ASCC3: variants seen among roughly 807,000 people sequenced by gnomAD.
The protein encoded by ASCC3 is ASC-1 complex subunit P200.
Under a neutral mutation model 256.3 loss-of-function variants are expected in ASCC3, and 158 were observed. The observed-to-expected ratio is 0.62, with a 90% CI of 0.54 to 0.70. The LOEUF is 0.70. ASCC3 is among the 30% of genes least tolerant of loss of function. ASCC3 has a pLI of 0.00. For missense variants in ASCC3, 2,259 were observed against 2,626.0 expected (o/e 0.86, Z 3.05); for synonymous variants, 948 against 883.4 (o/e 1.07, Z -1.30).
intron 34 of ASCC3, among the ~76,000 whole-genome samples, chr6:100,598,684 C>T (rs748048197): frequency 2.6e-5 from 4 of 152,168 alleles, no homozygotes; most frequent in Non-Finnish European, 5.9e-5. Context: ...GTGTCTCCAA[C>T]TGTGCTCCTG....
At chr6:100,615,576 C>T (rs1179457368) in intron 30 of ASCC3, among the ~76,000 whole-genome samples, 1 of 152,150 alleles carries the variant, frequency 6.6e-6, no homozygotes, top group Non-Finnish European at 1.5e-5. Context: ...ATAATATAAA[C>T]TTTAATGAAT....
rs559290508 is a variant in ASCC3 at position 100,781,750 on chromosome 6, A to G, written c.1396-14405T>C. 7.2e-5 allele frequency among the ~76,000 whole-genome samples: 11 copies of G among 152,024 alleles called. No homozygotes were observed. In the South Asian group the frequency reaches 2.3e-3, roughly 32 times the overall value. ...AAACATACTTTTAATATATTTTTTA[A>G]TCTTCCTGACACTAAGCACTAAAAA... is the stretch of plus-strand genomic sequence containing the variant. On this transcript the variant is annotated intron_variant, in intron 8 of 41. Coordinates refer to ENST00000369162, the MANE Select transcript of ASCC3 (RefSeq NM_006828.4).
intron 30 of ASCC3, among the ~76,000 whole-genome samples, chr6:100,620,934 T>C (rs186240968): frequency 1.6e-4 from 25 of 152,318 alleles, no homozygotes; most frequent in Admixed American, 1.4e-3. Flanking sequence ...TATGCTTCAG[T>C]ATAATCACAC....
intron 8 of ASCC3, among the ~76,000 whole-genome samples, chr6:100,797,380 C>A (rs1769672754): frequency 6.9e-6 from 1 of 145,960 alleles, no homozygotes; most frequent in Admixed American, 7.1e-5. Flanking sequence ...AACCCTTGAA[C>A]CCAGGAGGCA....
chr6:100,608,743 A>AT (rs1386466467), intron 30 of ASCC3, among the ~76,000 whole-genome samples: 1 of 32,036 alleles, frequency 3.1e-5, no homozygotes, highest in African/African-American at 1.4e-4. Flanking sequence ...ATATATATAT[A>AT]TATATATATA....
At chr6:100,747,534 T>C (rs943814664) in intron 10 of ASCC3, among the ~76,000 whole-genome samples, 1 of 152,118 alleles carries the variant, frequency 6.6e-6, no homozygotes, top group Non-Finnish European at 1.5e-5. Context: ...ACCAAGCAAC[T>C]TGATATACTT....
At chr6:100,665,328 G>C (rs1776410690) in intron 14 of ASCC3, among the ~76,000 whole-genome samples, 1 of 152,034 alleles carries the variant, frequency 6.6e-6, no homozygotes. Context: ...GTTCATTACA[G>C]ACTTGAAGTG....
At chr6:100,545,308 G>T (rs1162535778) in intron 36 of ASCC3, among the ~76,000 whole-genome samples, 1 of 152,120 alleles carries the variant, frequency 6.6e-6, no homozygotes, top group Non-Finnish European at 1.5e-5. Context: ...CTCCCAAGTA[G>T]CTGGGACTAC....
chr6:100,525,130 GTGGGT>G (rs1774502572), intron 37 of ASCC3, among the ~76,000 whole-genome samples: 1 of 118,740 alleles, frequency 8.4e-6, no homozygotes, highest in African/African-American at 3.3e-5. Flanking sequence ...ATACTCCAGT[GTGGGT>G]GACAGAGTGA....
At chr6:100,549,480 T>C (rs1769182324) in intron 36 of ASCC3, among the ~76,000 whole-genome samples, 1 of 151,920 alleles carries the variant, frequency 6.6e-6, no homozygotes, top group African/African-American at 2.4e-5. Context: ...GTCATGTTAG[T>C]TTTTTCCTTT....
chr6:100,602,048 GT>G, intron 33 of ASCC3, 113 bp from the exon 34 acceptor site: 1 of 1,124,292 alleles, frequency 8.9e-7, no homozygotes, highest in Non-Finnish European at 1.3e-6. Context: ...AAACAAATTT[GT>G]TTTATATAAC....
At chr6:100,707,277 C>A (rs1011123185) in intron 13 of ASCC3, among the ~76,000 whole-genome samples, 2 of 151,972 alleles carry the variant, frequency 1.3e-5, no homozygotes, top group Admixed American at 6.6e-5. Context: ...TAAATATAAT[C>A]CCTTTACCAA....
chr6:100,606,230 G>A (rs1297560011), intron 32 of ASCC3, among the ~76,000 whole-genome samples: 1 of 151,834 alleles, frequency 6.6e-6, no homozygotes, highest in Admixed American at 6.6e-5. Flanking sequence ...TTCATTTAGT[G>A]GAAATATACA....
intron 36 of ASCC3, among the ~76,000 whole-genome samples, chr6:100,543,669 T>C (rs1775572558): frequency 6.6e-6 from 1 of 151,920 alleles, no homozygotes; most frequent in African/African-American, 2.4e-5. Context: ...CATAACAATC[T>C]GAAACATTTA....
rs1562304188 is a variant in ASCC3, at chr6:100,798,723, T to A, written c.1385A>T (p.Asp462Val). Reference sequence around the variant, plus strand: ...AAAGGCTCATCTCACCTCATCTAAGTCTTGGATATAAACTGGCTTTTCCTC... The same window carrying A: ...AAAGGCTCATCTCACCTCATCTAAGACTTGGATATAAACTGGCTTTTCCTC... ...SFEEKPVYIQ[D>V]LDEIGQLAFK... Residue 462 changes from aspartate to valine, a missense_variant, in exon 8 of 42, where the codon GAC becomes GTC. Coordinates refer to ENST00000369162, the MANE Select transcript of ASCC3 (RefSeq NM_006828.4). The A allele has an allele frequency of 3.7e-6, 6 of 1,612,772 alleles. No homozygotes were observed. The highest frequency in any genetic ancestry group is 1.7e-5 in the Admixed American group (1 of 59,962).
At chr6:100,601,712 T>C (rs1772623670) in intron 34 of ASCC3, 98 bp downstream of exon 34, 1 of 1,425,806 alleles carries the variant, frequency 7.0e-7, no homozygotes, top group East Asian at 2.3e-5. Context: ...TCCAAAGTTC[T>C]GCCTTTTTTG....
Position 100,549,106 on chromosome 6 carries a change from A to G in ASCC3, c.5551-8719T>C, listed in dbSNP as rs79701903. Among the ~76,000 whole-genome samples, 1,027 of 151,980 alleles carry G rather than the reference A, an allele frequency of 6.8e-3. 2 individuals carry two copies. The highest frequency in any genetic ancestry group is 0.023 in the African/African-American group (939 of 41,514). On this transcript the variant is annotated intron_variant, in intron 36 of 41. Transcript: ENST00000369162. ...TTGACCATGGGTAACTGAAACCTGG[A>G]AAGAAAAACTGCAAATAAGGGGGGA...
chr6:100,710,243 T>C (rs1778799641), intron 13 of ASCC3, among the ~76,000 whole-genome samples: 1 of 152,154 alleles, frequency 6.6e-6, no homozygotes, highest in Non-Finnish European at 1.5e-5. Context: ...AAAGAGCTCA[T>C]GGATGGAAAA....
At chr6:100,520,345 C>G (rs1377663381) in intron 37 of ASCC3, among the ~76,000 whole-genome samples, 1 of 152,094 alleles carries the variant, frequency 6.6e-6, no homozygotes, top group African/African-American at 2.4e-5. Context: ...CCACGTCCCC[C>G]TCTGTACACT....
Sources: allele counts gnomAD v4.1 joint callset (sites outside exome capture counted in the v4.1 genomes callset), GRCh38; gene constraint gnomAD v4.1.1; transcripts MANE v1.5; gene names NCBI Gene and HGNC (gene_info 2026-07-23, HGNC 2026-07-21).